MITF: variants seen among roughly 807,000 people sequenced by gnomAD.
MITF encodes the protein microphthalmia-associated transcription factor.
In MITF, 17 loss-of-function variants were observed where a neutral mutation model predicts 60.5. That is an observed-to-expected ratio of 0.28 (90% CI 0.19 to 0.42). The LOEUF (loss-of-function observed/expected upper bound fraction) is 0.42. Among genes scored for constraint, MITF ranks in the 10% least tolerant of loss-of-function variants. MITF has a pLI of 1.00. For synonymous variants in MITF, 260 were observed against 248.5 expected (o/e 1.05, Z -0.43); for missense variants, 622 against 683.5 (o/e 0.91, Z 1.00).
chr3:69,809,688 A>G (rs2063070553), intron 1 of MITF, among the ~76,000 whole-genome samples: 2 of 151,596 alleles, frequency 1.3e-5, no homozygotes, highest in African/African-American at 4.9e-5. Flanking sequence ...CAGGCTGACA[A>G]TGGTATTTAA....
At chr3:69,950,025 A>G (rs944914182) in intron 6 of MITF, among the ~76,000 whole-genome samples, 2 of 152,274 alleles carry the variant, frequency 1.3e-5, no homozygotes, top group African/African-American at 4.8e-5. Context: ...TTTAAAAACC[A>G]TGGATTTGAG....
chr3:69,932,194 A>G (rs908994640), intron 2 of MITF, among the ~76,000 whole-genome samples: 3 of 152,220 alleles, frequency 2.0e-5, no homozygotes, highest in Non-Finnish European at 4.4e-5. Context: ...GCCACAATGT[A>G]GATAATTTTA....
At chr3:69,840,576 A>G (rs1423908664) in intron 1 of MITF, among the ~76,000 whole-genome samples, 3 of 152,012 alleles carry the variant, frequency 2.0e-5, no homozygotes, top group African/African-American at 7.3e-5. Flanking sequence ...CTTACCAAAG[A>G]GCTTTTTTTA....
intron 1 of MITF, among the ~76,000 whole-genome samples, chr3:69,828,844 G>A (rs1238259340): frequency 6.6e-6 from 1 of 151,778 alleles, no homozygotes; most frequent in Non-Finnish European, 1.5e-5. Flanking sequence ...GTTTATATAA[G>A]TGTCTGACAA....
At chr3:69,902,622 A>G (rs566465048) in intron 2 of MITF, among the ~76,000 whole-genome samples, 2 of 152,312 alleles carry the variant, frequency 1.3e-5, no homozygotes, top group Non-Finnish European at 2.9e-5. Flanking sequence ...AACCAGCCTG[A>G]GGCTCTTTTT....
chr3:69,776,982 T>A (rs1454576613), intron 1 of MITF, among the ~76,000 whole-genome samples: 1 of 152,162 alleles, frequency 6.6e-6, no homozygotes, highest in Non-Finnish European at 1.5e-5. Context: ...TTGAGAGTAA[T>A]GTTACTGTTG....
intron 2 of MITF, among the ~76,000 whole-genome samples, chr3:69,929,211 A>G (rs575339464): frequency 1.1e-4 from 16 of 152,254 alleles, no homozygotes; most frequent in African/African-American, 3.6e-4. Flanking sequence ...GTGGTTCCAC[A>G]CTGCTTCACT....
intron 1 of MITF, among the ~76,000 whole-genome samples, chr3:69,852,309 C>T (rs2063838317): frequency 6.6e-6 from 1 of 152,198 alleles, no homozygotes; most frequent in African/African-American, 2.4e-5. Context: ...TCACTAGCAC[C>T]CTTGTGCCTC....
At chr3:69,795,993 G>GT (rs1310577685) in intron 1 of MITF, among the ~76,000 whole-genome samples, 1 of 151,922 alleles carries the variant, frequency 6.6e-6, no homozygotes, top group Non-Finnish European at 1.5e-5. Flanking sequence ...TTTTGTTTTT[G>GT]TTTTTTGAGA....
chr3:69,799,613 G>A (rs1575732235), intron 1 of MITF, among the ~76,000 whole-genome samples: 1 of 147,836 alleles, frequency 6.8e-6, no homozygotes, highest in Non-Finnish European at 1.5e-5. Flanking sequence ...TAGGACAAAT[G>A]CCCCCTCCCT....
intron 1 of MITF, among the ~76,000 whole-genome samples, chr3:69,780,153 G>A (rs1346693795): frequency 4.6e-5 from 7 of 152,138 alleles, no homozygotes; most frequent in Non-Finnish European, 7.3e-5. Context: ...TAGAGACAGG[G>A]CAATGCAACT....
intron 5 of MITF, among the ~76,000 whole-genome samples, chr3:69,947,911 C>T (rs956563155): frequency 2.6e-5 from 4 of 152,150 alleles, no homozygotes; most frequent in Non-Finnish European, 4.4e-5. Context: ...ATATTTTCAT[C>T]TGTATGTTAG....
intron 4 of MITF, among the ~76,000 whole-genome samples, chr3:69,940,864 G>A (rs538737198): frequency 7.2e-5 from 11 of 152,190 alleles, no homozygotes; most frequent in Non-Finnish European, 1.2e-4. Flanking sequence ...TTTCTTCAGT[G>A]TGTGACTTTG....
At chr3:69,937,138 C>T (rs1161456681) in intron 2 of MITF, 1 of 183,636 alleles carries the variant, frequency 5.4e-6, no homozygotes, top group African/African-American at 2.4e-5. Flanking sequence ...ATCCTGTTGG[C>T]TTGTTAATAG....
intron 2 of MITF, among the ~76,000 whole-genome samples, chr3:69,908,120 G>A (rs11712948): frequency 5.3e-5 from 8 of 152,058 alleles, no homozygotes; most frequent in Non-Finnish European, 1.2e-4. Flanking sequence ...AATCTAGATG[G>A]ATACATGAGA....
Position 69,966,105 on chromosome 3 carries a change from C to G in MITF, c.*857C>G, listed in dbSNP as rs575556062. ...TTTTGCTTTTGATAAGAAAACCGAA[C>G]TGGGCATATTTCTAATTGGCTTTAC... On this transcript the variant is annotated 3_prime_UTR_variant, in exon 10 of 10. Coordinates refer to ENST00000352241, the MANE Select transcript of MITF (RefSeq NM_001354604.2). 28 of 232,460 alleles carry G rather than the reference C, an allele frequency of 1.2e-4. No individual in the cohort carries two copies. The highest frequency in any genetic ancestry group is 1.8e-4 in the Non-Finnish European group (21 of 117,556). 14.4% of individuals were successfully genotyped at this position (232,460 alleles called of 1,614,324 possible).
intron 7 of MITF, among the ~76,000 whole-genome samples, chr3:69,955,165 G>A (rs1019555441): frequency 6.6e-6 from 1 of 152,164 alleles, no homozygotes; most frequent in Non-Finnish European, 1.5e-5. Flanking sequence ...ATCTAGTACA[G>A]TAGCCATTCA....
intron 1 of MITF, among the ~76,000 whole-genome samples, chr3:69,843,791 C>T (rs1457608872): frequency 2.6e-5 from 4 of 152,160 alleles, no homozygotes; most frequent in East Asian, 1.9e-4. Context: ...ATGTGCAGAA[C>T]GTACAGGTTT....
At chr3:69,862,982 C>G (rs2064043504) in intron 1 of MITF, among the ~76,000 whole-genome samples, 1 of 152,094 alleles carries the variant, frequency 6.6e-6, no homozygotes, top group Non-Finnish European at 1.5e-5. Flanking sequence ...CTCTCTATCT[C>G]TCTTTCCCTC....
Sources: gnomAD v4.1 joint callset for allele counts (sites outside exome capture counted in the v4.1 genomes callset) on GRCh38, gnomAD v4.1.1 for gene constraint, MANE v1.5 for transcripts, NCBI Gene and HGNC (gene_info 2026-07-23, HGNC 2026-07-21) for gene names.